TNFRSF10C: variants seen among roughly 807,000 people sequenced by gnomAD.
TNFRSF10C encodes the protein TNF receptor superfamily member 10c.
A neutral mutation model predicts 16.7 loss-of-function variants in TNFRSF10C; 17 were observed. The ratio of observed to expected loss-of-function variants is 1.02; its 90% CI spans 0.70 to 1.53. The LOEUF (loss-of-function observed/expected upper bound fraction) is 1.53. TNFRSF10C is among the 40% of genes most tolerant of loss of function. TNFRSF10C has a pLI of 0.00. For synonymous variants in TNFRSF10C, 73 were observed against 119.7 expected, an observed-to-expected ratio of 0.61 and a Z score of 2.55; for missense variants, 237 against 329.7, an observed-to-expected ratio of 0.72 and a Z score of 2.18.
chr8:23,102,967 C>G lies in TNFRSF10C; in HGVS notation c.-155C>G, dbSNP rs1378939969. ...TCTCCACGCGCACGAACTCAGCCAA[C>G]GATTTCTGATAGATTTTTGGGAGTT... On this transcript the variant is annotated 5_prime_UTR_variant, in exon 1 of 5. Coordinates refer to ENST00000356864, the MANE Select transcript of TNFRSF10C (RefSeq NM_003841.5). 2 of 1,518,068 alleles carry G rather than the reference C, an allele frequency of 1.3e-6. No homozygotes were observed. Among genetic ancestry groups the G allele is most frequent in the Non-Finnish European group, 1.8e-6 (2 of 1,125,880 alleles). 94.0% of individuals were successfully genotyped at this position (1,518,068 alleles called of 1,614,324 possible).
rs777959460 is a variant in TNFRSF10C, at chr8:23,111,721, T to C, written c.62T>C (p.Val21Ala). 1 of 1,613,374 alleles carries C rather than the reference T, an allele frequency of 6.2e-7. No homozygotes were observed. Among genetic ancestry groups the C allele is most frequent in the Non-Finnish European group, 8.5e-7 (1 of 1,179,864 alleles). The change falls in exon 2 of 5, where the codon GTC (valine) becomes GCC (alanine). Residue 21 changes from valine to alanine, a missense_variant and splice_region_variant. This residue lies in a region of TNFRSF10C where 212 missense variants were observed against 196.8 expected (regional missense o/e 1.08). Transcript: ENST00000356864. ...CCCATCACTCCTTTGTCCCCACAGG[T>C]CCTAGCTTACTCTGCCACCACTGCC... ...VVVIVAVLLP[V>A]LAYSATTARQ...
Position 23,114,665 on chromosome 8 carries a change from A to G in TNFRSF10C, c.175A>G (p.Arg59Gly). 6.2e-7 allele frequency: 1 copy of G among 1,613,394 alleles called. No homozygotes were observed. Among genetic ancestry groups the G allele is most frequent in the Non-Finnish European group, 8.5e-7 (1 of 1,179,402 alleles). ...KGEECPAGSH[R>G]SEHTGACNPC... ...TTTCTCTTCCTTCCCAGGATCTCAT[A>G]GATCAGAACATACTGGAGCCTGTAA... Residue 59 changes from arginine to glycine, a missense_variant, in exon 3 of 5, where the codon AGA (arginine) becomes GGA (glycine). By Grantham distance (125) the Arg-to-Gly change is moderately radical. Transcript: ENST00000356864.
At chr8:23,110,810 CTG>C (rs1028930424) in intron 1 of TNFRSF10C, among the ~76,000 whole-genome samples, 2 of 152,044 alleles carry the variant, frequency 1.3e-5, no homozygotes, top group African/African-American at 4.8e-5. Context: ...AAGTGTGTGT[CTG>C]TGTGTATTTG....
chr8:23,108,931 T>C (rs1424672107), intron 1 of TNFRSF10C, among the ~76,000 whole-genome samples: 4 of 151,536 alleles, frequency 2.6e-5, no homozygotes, highest in Non-Finnish European at 5.9e-5. Flanking sequence ...TCAGTAACAA[T>C]ATCCACAGAG....
Position 23,114,722 on chromosome 8 carries a change from G to A in TNFRSF10C, c.232G>A (p.Ala78Thr), listed in dbSNP as rs765149128. The A allele has an allele frequency of 8.4e-5, 136 of 1,613,878 alleles. No individual in the cohort carries two copies. The Admixed American group carries it at 1.0e-3, about 12-fold the overall frequency. Reference sequence around the variant, plus strand: ...CACAGAGGGTGTGGATTACACCAACGCTTCCAACAATGAACCTTCTTGCTT... The same window carrying A: ...CACAGAGGGTGTGGATTACACCAACACTTCCAACAATGAACCTTCTTGCTT... ...PCTEGVDYTN[A>T]SNNEPSCFPC... The change falls in exon 3 of 5, where the codon GCT (alanine) becomes ACT (threonine). Residue 78 changes from alanine (A) to threonine (T), a missense_variant. By Grantham distance (58) the Ala-to-Thr change is moderately conservative. This residue lies in a region of TNFRSF10C where 212 missense variants were observed against 196.8 expected (regional missense o/e 1.08). Coordinates refer to ENST00000356864, the MANE Select transcript of TNFRSF10C (RefSeq NM_003841.5).
chr8:23,117,301 C>G lies in TNFRSF10C; in HGVS notation c.*270C>G, dbSNP rs541912418. The G allele has an allele frequency of 2.5e-4, 141 of 557,090 alleles. No individual in the cohort carries two copies. The highest frequency in any genetic ancestry group is 2.3e-3 in the African/African-American group (123 of 53,396). The allele number at this position is 557,090 out of a possible 1,614,324, so 34.5% of individuals were successfully genotyped here. On this transcript the variant is annotated 3_prime_UTR_variant, in exon 5 of 5. Coordinates refer to ENST00000356864, the MANE Select transcript of TNFRSF10C (RefSeq NM_003841.5). ...AGCTGGGGGTCCACACATCTCCCAGCCAAGTCCAAGAGGGCAGGGCCAGTT... is the reference window on the plus strand; with the variant it reads ...AGCTGGGGGTCCACACATCTCCCAGGCAAGTCCAAGAGGGCAGGGCCAGTT...
chr8:23,114,156 G>A (rs1018110626), intron 2 of TNFRSF10C, among the ~76,000 whole-genome samples: 1 of 152,080 alleles, frequency 6.6e-6, no homozygotes, highest in Non-Finnish European at 1.5e-5. Flanking sequence ...CTGAAGGAAT[G>A]AGAACCCCAG....
rs1327726548 is a variant in TNFRSF10C, at chr8:23,103,041, T to G, written c.-81T>G. On this transcript the variant is annotated 5_prime_UTR_variant, in exon 1 of 5. Transcript: ENST00000356864. ...GGAGCGCTTCCTACCGTTAGGGAACTCTGGGGACAGAGCGCCCCGGCCGCC... is the reference window on the plus strand; with the variant it reads ...GGAGCGCTTCCTACCGTTAGGGAACGCTGGGGACAGAGCGCCCCGGCCGCC... 1 of 1,569,192 alleles carries G rather than the reference T, an allele frequency of 6.4e-7. No homozygotes were observed. Among genetic ancestry groups the G allele is most frequent in the South Asian group, 1.2e-5 (1 of 85,444 alleles).
intron 1 of TNFRSF10C, among the ~76,000 whole-genome samples, chr8:23,109,984 C>T (rs1273802212): frequency 2.3e-5 from 3 of 132,920 alleles, no homozygotes; most frequent in Non-Finnish European, 4.6e-5. Context: ...GCCTGGGAGG[C>T]AGAGGAGGCA....
intron 1 of TNFRSF10C, among the ~76,000 whole-genome samples, chr8:23,108,370 T>C (rs912839087): frequency 6.6e-6 from 1 of 152,170 alleles, no homozygotes; most frequent in African/African-American, 2.4e-5. Context: ...GTTTCAAGTG[T>C]TTTCTATGTA....
intron 2 of TNFRSF10C, among the ~76,000 whole-genome samples, chr8:23,114,338 A>C (rs1445534938): frequency 6.6e-6 from 1 of 151,520 alleles, no homozygotes; most frequent in Admixed American, 6.6e-5. Context: ...TATTGATTAC[A>C]TGTTGAAATG....
intron 1 of TNFRSF10C, among the ~76,000 whole-genome samples, chr8:23,106,483 T>C (rs574024461): frequency 2.7e-5 from 4 of 147,124 alleles, no homozygotes; most frequent in Admixed American, 2.1e-4. Context: ...CTAAGAGAGG[T>C]CCACAGGAGA....
intron 1 of TNFRSF10C, among the ~76,000 whole-genome samples, chr8:23,108,601 A>T (rs1308138157): frequency 6.6e-6 from 1 of 152,238 alleles, no homozygotes; most frequent in Non-Finnish European, 1.5e-5. Context: ...TTAATTCTTC[A>T]AGGAGTATAA....
chr8:23,107,921 A>G (rs1813807506), intron 1 of TNFRSF10C, among the ~76,000 whole-genome samples: 1 of 152,210 alleles, frequency 6.6e-6, no homozygotes, highest in Admixed American at 6.5e-5. Flanking sequence ...CACCATGCAG[A>G]GTGTAAGGCC....
chr8:23,103,239 C>G, intron 1 of TNFRSF10C, 58 bp downstream of exon 1: 1 of 1,581,562 alleles, frequency 6.3e-7, no homozygotes, highest in South Asian at 1.2e-5. Flanking sequence ...CGGGAGGGGG[C>G]AGGGAGACGG....
chr8:23,103,139 G>T lies in TNFRSF10C; in HGVS notation c.18G>T (p.Lys6Asn). 6.2e-7 allele frequency: 1 copy of T among 1,612,404 alleles called. No homozygotes were observed. Among genetic ancestry groups the T allele is most frequent in the Non-Finnish European group, 8.5e-7 (1 of 1,179,462 alleles). The part of the protein sequence containing the change: MARIP[K>N]TLKFVVVIVA... ...ACCATACCATGGCCCGGATCCCCAA[G>T]ACCCTAAAGTTCGTCGTCGTCATCG... Residue 6 changes from lysine (K) to asparagine (N), a missense_variant, in exon 1 of 5, where the codon AAG becomes AAT. Around this residue, in one of 2 missense-constraint regions of TNFRSF10C, gnomAD observed 212 missense variants for 196.8 expected, o/e 1.08. Coordinates refer to ENST00000356864, the MANE Select transcript of TNFRSF10C (RefSeq NM_003841.5).
Position 23,117,239 on chromosome 8 carries a change from C to A in TNFRSF10C, c.*208C>A. 1.4e-6 allele frequency: 1 copy of A among 725,474 alleles called. No individual in the cohort carries two copies. The highest frequency in any genetic ancestry group is 2.2e-6 in the Non-Finnish European group (1 of 453,078). 44.9% of individuals were successfully genotyped at this position (725,474 alleles called of 1,614,324 possible). A position where few individuals can be genotyped will look rare whatever the true frequency, so the allele number is the denominator to read the frequency against. On this transcript the variant is annotated 3_prime_UTR_variant, in exon 5 of 5. Coordinates refer to ENST00000356864, the MANE Select transcript of TNFRSF10C (RefSeq NM_003841.5). The stretch of plus-strand genomic sequence containing the variant: ...TCGTCCCATCCCCACATCCCGTGCA[C>A]CCCCCAGGACCCTGGTCTCATCAGT...
chr8:23,103,262 G>A, intron 1 of TNFRSF10C, 81 bp downstream of exon 1: 1 of 1,561,032 alleles, frequency 6.4e-7, no homozygotes, highest in Non-Finnish European at 8.7e-7. Context: ...ACACGGCAGG[G>A]ATGCCTGGCC....
intron 1 of TNFRSF10C, among the ~76,000 whole-genome samples, chr8:23,105,121 C>T (rs187678874): frequency 6.2e-4 from 93 of 150,942 alleles, no homozygotes; most frequent in African/African-American, 1.9e-3. Flanking sequence ...CTCAGAATCT[C>T]GGACTCTCAG....
Sources: gnomAD v4.1 joint callset for allele counts (sites outside exome capture counted in the v4.1 genomes callset) on GRCh38, gnomAD v4.1.1 for gene constraint, gnomAD v4.1.1 regional missense constraint, MANE v1.5 for transcripts, NCBI Gene and HGNC (gene_info 2026-07-23, HGNC 2026-07-21) for gene names.